Variants in ACBD5 observed in about 807,000 individuals in gnomAD.
ACBD5 encodes acyl-CoA-binding domain-containing protein 5.
In ACBD5, 40 loss-of-function variants were observed where a neutral mutation model predicts 71.8. The ratio of observed to expected loss-of-function variants is 0.56; its 90% CI spans 0.43 to 0.72. The LOEUF is 0.72. Ranked by LOEUF, ACBD5 falls within the 30% of genes least tolerant of loss-of-function variation. The pLI is 0.00. For synonymous variants in ACBD5, 229 were observed against 218.6 expected (o/e 1.05, Z -0.42); for missense variants, 559 against 644.5 (o/e 0.87, Z 1.44).
chr10:27,182,968 C>G (rs952302994), intron 13 of ACBD5, among the ~76,000 whole-genome samples: 9 of 151,996 alleles, frequency 5.9e-5, no homozygotes, highest in Admixed American at 3.3e-4. Context: ...TTGTTAGTGT[C>G]TTGGGTTTTT....
rs2065329583 is a variant in ACBD5, at chr10:27,240,381, C to G, written c.119G>C (p.Arg40Thr). The stretch of plus-strand genomic sequence containing the variant: ...CTCAAACCTAGTCTCGTGCACGGAT[C>G]TCGTGTCCGCCATCTCCAGCTGCCA... ...QHWQLEMADTRSVHETRFEAA... is the reference protein window; with the variant it reads ...QHWQLEMADTTSVHETRFEAA... The change falls in exon 2 of 13, where the codon AGA becomes ACA. Residue 40 changes from arginine (R) to threonine (T), a missense_variant. By Grantham distance (71) the Arg-to-Thr change is moderately conservative. Transcript: ENST00000396271. This position sits in a 1 kb window ranked among gnomAD's most constrained non-coding sequence, Gnocchi z 4.1. 1 of 1,613,978 alleles carries G rather than the reference C, an allele frequency of 6.2e-7. No homozygotes were observed. Among genetic ancestry groups the G allele is most frequent in the African/African-American group, 1.3e-5 (1 of 74,894 alleles).
intron 12 of ACBD5, among the ~76,000 whole-genome samples, chr10:27,198,459 C>T (rs1012213420): frequency 4.6e-5 from 7 of 152,328 alleles, no homozygotes; most frequent in African/African-American, 1.7e-4. Flanking sequence ...TGATTCCTCT[C>T]TGTAGAAATA....
rs748094354 is a variant in ACBD5 at position 27,208,452 on chromosome 10, T to G, written c.1205-7A>C. ...AAGTGTTGCATCCTATGTCCTATTT[T>G]AAGAGGCAAAAATAAGCTTGTTTTA... On this transcript the variant is annotated splice_polypyrimidine_tract_variant and splice_region_variant and intron_variant, in intron 9 of 12. Coordinates refer to ENST00000396271, the MANE Select transcript of ACBD5 (RefSeq NM_145698.5). 2 of 1,613,324 alleles carry G rather than the reference T, an allele frequency of 1.2e-6. No individual in the cohort carries two copies. The highest frequency in any genetic ancestry group is 1.7e-6 in the Non-Finnish European group (2 of 1,179,946).
chr10:27,225,274 C>A (rs1438351659), intron 4 of ACBD5, among the ~76,000 whole-genome samples: 1 of 152,078 alleles, frequency 6.6e-6, no homozygotes, highest in Non-Finnish European at 1.5e-5. Flanking sequence ...TTAGCCACTG[C>A]GCCTGGCCAA....
downstream of ACBD5, among the ~76,000 whole-genome samples, chr10:27,194,157 A>T (rs927454820): frequency 6.6e-6 from 1 of 151,898 alleles, no homozygotes; most frequent in Non-Finnish European, 1.5e-5. Flanking sequence ...AGGCTGAGGC[A>T]GGAGAATCAC....
At position 27,228,791 on chromosome 10, in the gene ACBD5, T is replaced by TTATATATATATATA. The variant is rs1169917244; in HGVS notation, c.375+2943_375+2956dup. Among the ~76,000 whole-genome samples, 124 of 22,082 alleles carry TTATATATATATATA rather than the reference T, an allele frequency of 5.6e-3. 12 individuals are homozygous for TTATATATATATATA. Among genetic ancestry groups the TTATATATATATATA allele is most frequent in the Non-Finnish European group, 0.014 (86 of 5,964 alleles). The allele number at this position is 22,082 out of a possible 152,430, so 14.5% of individuals were successfully genotyped here. A position where few individuals can be genotyped will look rare whatever the true frequency, so the allele number is the denominator to read the frequency against. ...TCTATAAAACATAATCCTATTATGT[T>TTATATATATATATA]TATATATATATATATATATATATAT... is the stretch of plus-strand genomic sequence containing the variant. On this transcript the variant is annotated intron_variant, in intron 4 of 12. Coordinates refer to ENST00000396271, the MANE Select transcript of ACBD5 (RefSeq NM_145698.5).
chr10:27,218,195 A>T lies in ACBD5; in HGVS notation c.626-12T>A. 6.2e-7 allele frequency: 1 copy of T among 1,604,548 alleles called. No individual in the cohort carries two copies. The highest frequency in any genetic ancestry group is 8.5e-7 in the Non-Finnish European group (1 of 1,172,132). ...CATCATTTTCTTATCTTTTACGAGA[A>T]AATGGGAAAGATTCATAAAAGTTCA... On this transcript the variant is annotated splice_polypyrimidine_tract_variant and intron_variant, in intron 6 of 12. Transcript: ENST00000396271.
In ACBD5 at chr10:27,219,670, T is replaced by C; in HGVS notation, c.625+53A>G. The C allele has an allele frequency of 1.9e-6, 3 of 1,605,842 alleles. No individual in the cohort carries two copies. In the South Asian group the frequency reaches 3.3e-5, roughly 18 times the overall value. ...TACCAAATCAGCCCAAATGTCTTCA[T>C]ACCCTCTTAGTTTATTTATTGCAAA... On this transcript the variant is annotated intron_variant, in intron 6 of 12. Coordinates refer to ENST00000396271, the MANE Select transcript of ACBD5 (RefSeq NM_145698.5).
In ACBD5 at chr10:27,205,197, C is replaced by T. The variant is rs1381931428; in HGVS notation, c.1455+1G>A. On this transcript the variant is annotated splice_donor_variant, in intron 11 of 12. Transcript: ENST00000396271. LOFTEE classifies it high-confidence loss of function. ...TTTAAATTTTTTAAAAAATGTCTTA[C>T]CTGTGAGGTGGGCTGAGGAGCAGTC... 1.2e-6 allele frequency: 2 copies of T among 1,611,036 alleles called. No homozygotes were observed. Among genetic ancestry groups the T allele is most frequent in the Admixed American group, 3.3e-5 (2 of 59,908 alleles).
chr10:27,189,422 C>T (rs987728044), intron 13 of ACBD5, among the ~76,000 whole-genome samples: 1 of 152,182 alleles, frequency 6.6e-6, no homozygotes, highest in Non-Finnish European at 1.5e-5. Context: ...GGGATGATTG[C>T]TTGAGGCCAG....
intron 5 of ACBD5, among the ~76,000 whole-genome samples, chr10:27,222,354 T>C (rs113315140): frequency 1.3e-5 from 2 of 150,756 alleles, no homozygotes; most frequent in East Asian, 3.9e-4. Context: ...ATTCAACTCC[T>C]ACAAGTATGC....
intron 4 of ACBD5, among the ~76,000 whole-genome samples, chr10:27,223,779 G>A (rs563878831): frequency 2.6e-5 from 4 of 152,178 alleles, no homozygotes; most frequent in South Asian, 4.2e-4. Context: ...GCACGGTGGT[G>A]TGTGTCTGTG....
downstream of ACBD5, among the ~76,000 whole-genome samples, chr10:27,193,131 G>A (rs1409231286): frequency 2.5e-5 from 2 of 80,506 alleles, no homozygotes. Context: ...GTGTGTGTGT[G>A]TGTGTGTGTG....
intron 2 of ACBD5, among the ~76,000 whole-genome samples, chr10:27,236,021 G>C (rs2064631732): frequency 6.6e-6 from 1 of 151,612 alleles, no homozygotes; most frequent in Admixed American, 6.6e-5. Context: ...CCTAAGCAGA[G>C]AGGATCTCCT....
chr10:27,189,516 G>A (rs536927980), intron 13 of ACBD5, among the ~76,000 whole-genome samples: 2 of 150,918 alleles, frequency 1.3e-5, no homozygotes, highest in African/African-American at 2.4e-5. Flanking sequence ...GCAAACTATC[G>A]CAAGGATAAA....
At chr10:27,212,172 G>C (rs1358663900) in intron 8 of ACBD5, among the ~76,000 whole-genome samples, 1 of 152,140 alleles carries the variant, frequency 6.6e-6, no homozygotes, top group African/African-American at 2.4e-5. Context: ...AACATGACGA[G>C]ACCCCGTCTT....
intron 3 of ACBD5, among the ~76,000 whole-genome samples, chr10:27,234,100 C>A (rs553098919): frequency 6.6e-6 from 1 of 152,182 alleles, no homozygotes; most frequent in African/African-American, 2.4e-5. Flanking sequence ...CTGTTCATAA[C>A]GTACAGTCTA....
chr10:27,183,040 C>G (rs2058418040), intron 13 of ACBD5, among the ~76,000 whole-genome samples: 1 of 152,076 alleles, frequency 6.6e-6, no homozygotes, highest in South Asian at 2.1e-4. Context: ...TCTGTTCTGT[C>G]ATTTTTAAAA....
chr10:27,203,998 T>A (rs532512004), intron 12 of ACBD5, among the ~76,000 whole-genome samples: 1 of 151,620 alleles, frequency 6.6e-6, no homozygotes, highest in East Asian at 2.0e-4. Context: ...CCCAGTGACA[T>A]ATGCCTGTAG....
Sources: allele counts gnomAD v4.1 joint callset (sites outside exome capture counted in the v4.1 genomes callset), GRCh38; gene constraint gnomAD v4.1.1; non-coding constraint Gnocchi (gnomAD v3.1); transcripts MANE v1.5; gene names NCBI Gene and HGNC (gene_info 2026-07-23, HGNC 2026-07-21).